CNN2: variants seen among roughly 807,000 people sequenced by gnomAD.
CNN2 encodes calponin 2.
CNN2 carries 21 observed loss-of-function variants against 31.0 expected under a neutral mutation model. The observed-to-expected ratio is 0.68, with a 90% CI of 0.48 to 0.98. The LOEUF (loss-of-function observed/expected upper bound fraction) is 0.98. Among genes scored for constraint, CNN2 ranks in the 50% least tolerant of loss-of-function variants. CNN2 has a pLI of 0.00. For missense variants in CNN2, 399 were observed against 427.3 expected (o/e 0.93, Z 0.58); for synonymous variants, 165 against 179.6 (o/e 0.92, Z 0.65).
At chr19:1,036,634 G>A (rs1221567737) in intron 6 of CNN2, 72 bp downstream of exon 6, 2 of 1,582,780 alleles carry the variant, frequency 1.3e-6, no homozygotes, top group Non-Finnish European at 1.7e-6. Flanking sequence ...CCCCTCCCTG[G>A]GGCCACCTCC....
At position 1,031,145 on chromosome 19, in the gene CNN2, C is replaced by T. The variant is rs763877294; in HGVS notation, c.138C>T (p.Ile46=). Residue 46 remains isoleucine (I), a synonymous_variant, in exon 2 of 7, where the codon ATC becomes ATT. Coordinates refer to ENST00000263097, the MANE Select transcript of CNN2 (RefSeq NM_004368.4). ...TWIEGLTGLS[I]GPDFQKGLKD... ...TCGAGGGACTCACCGGCCTCTCCAT[C>T]GGCCCCGACTTCCAGAAGGGCCTGA... is the stretch of plus-strand genomic sequence containing the variant. The T allele has an allele frequency of 5.0e-6, 8 of 1,613,294 alleles. No homozygotes were observed. The highest frequency in any genetic ancestry group is 1.1e-5 in the South Asian group (1 of 91,070).
At chr19:1,033,492 C>G (rs1568174557) in intron 4 of CNN2, among the ~76,000 whole-genome samples, 1 of 152,208 alleles carries the variant, frequency 6.6e-6, no homozygotes, top group Admixed American at 6.5e-5. Flanking sequence ...CAGAGCAAGA[C>G]TCTCTCAAAA....
rs1275964241 is a variant in CNN2 at position 1,036,113 on chromosome 19, C to T, written c.391-17C>T. On this transcript the variant is annotated splice_polypyrimidine_tract_variant and intron_variant, in intron 4 of 6. Coordinates refer to ENST00000263097, the MANE Select transcript of CNN2 (RefSeq NM_004368.4). ...GCTGCCCTCTGCTGGTACTCCCGGC[C>T]CCTTTCCCTCACCCAGGCCAAGACT... 1.9e-6 allele frequency: 3 copies of T among 1,591,454 alleles called. No individual in the cohort carries two copies. Among genetic ancestry groups the T allele is most frequent in the Non-Finnish European group, 2.6e-6 (3 of 1,167,732 alleles).
At position 1,030,870 on chromosome 19, in the gene CNN2, CTG is replaced by C. The variant is rs1424401073; in HGVS notation, c.64-198_64-197del. ...TCGGCCTGCTTGGAGGGCGGTTTAT[CTG>C]TGCCCGCCTGCAGTGGCTGGGGCGC... On this transcript the variant is annotated intron_variant, in intron 1 of 6. Coordinates refer to ENST00000263097, the MANE Select transcript of CNN2 (RefSeq NM_004368.4). 70 of 578,842 alleles carry C rather than the reference CTG, an allele frequency of 1.2e-4. No individual in the cohort carries two copies. The Middle Eastern group carries it at 1.6e-3, about 13-fold the overall frequency. 35.9% of individuals were successfully genotyped at this position (578,842 alleles called of 1,614,324 possible).
intron 1 of CNN2, among the ~76,000 whole-genome samples, chr19:1,027,282 G>T (rs917740695): frequency 3.3e-5 from 5 of 152,252 alleles, no homozygotes; most frequent in African/African-American, 1.2e-4. Context: ...TAGCCGCTTT[G>T]CACGGTCTTT....
At chr19:1,029,840 C>T (rs958104205) in intron 1 of CNN2, among the ~76,000 whole-genome samples, 5 of 151,996 alleles carry the variant, frequency 3.3e-5, no homozygotes, top group African/African-American at 1.2e-4. Flanking sequence ...GCTGGGACTA[C>T]AGGTGCCCAC....
At chr19:1,037,227 TC>T in intron 6 of CNN2, 1 of 221,698 alleles carries the variant, frequency 4.5e-6, no homozygotes, top group Non-Finnish European at 9.2e-6. Context: ...AGTCTTGAAC[TC>T]CTGACCTCAG....
chr19:1,033,560 G>A (rs4807455), intron 4 of CNN2, among the ~76,000 whole-genome samples: 39,320 of 152,190 alleles, frequency 0.26, 5,414 homozygotes, highest in East Asian at 0.46. Flanking sequence ...CCTTGAAGGA[G>A]AAGAATCAGA....
chr19:1,028,352 CTGTCCGTT>C (rs1378431747), intron 1 of CNN2, among the ~76,000 whole-genome samples: 1 of 152,096 alleles, frequency 6.6e-6, no homozygotes, highest in Non-Finnish European at 1.5e-5. Context: ...AACCCTCAGT[CTGTCCGTT>C]TGGAGGGTGG....
At chr19:1,031,346 G>A (rs868730432) in intron 2 of CNN2, among the ~76,000 whole-genome samples, 154 bp downstream of exon 2, 16 of 91,780 alleles carry the variant, frequency 1.7e-4, no homozygotes, top group Admixed American at 2.2e-4. Context: ...GGTGGCGGGG[G>A]GCGGTGGATC....
At chr19:1,030,590 C>T (rs375825807) in intron 1 of CNN2, among the ~76,000 whole-genome samples, 10 of 152,180 alleles carry the variant, frequency 6.6e-5, no homozygotes, top group African/African-American at 2.4e-4. Context: ...CGCACCACTG[C>T]ACTCCAGCCT....
chr19:1,032,869 C>T, intron 4 of CNN2, 173 bp downstream of exon 4: 1 of 587,118 alleles, frequency 1.7e-6, no homozygotes, highest in Non-Finnish European at 3.0e-6. Flanking sequence ...ACCTCCAACT[C>T]CCAGGTTCAA....
rs1450451289 is a variant in CNN2 at position 1,038,825 on chromosome 19, C to T, written c.*925C>T. 6.6e-6 allele frequency: 1 copy of T among 152,284 alleles called. No homozygotes were observed. The highest frequency in any genetic ancestry group is 1.5e-5 in the Non-Finnish European group (1 of 68,114). The allele number at this position is 152,284 out of a possible 1,614,324, so 9.4% of individuals were successfully genotyped here. A position where few individuals can be genotyped will look rare whatever the true frequency, so the allele number is the denominator to read the frequency against. Reference sequence around the variant, plus strand: ...GGCCTCAGGTGTGATCCGCCCGCCTCCGCCTCCCCAAGCGCTGAGATTACA... The same window carrying T: ...GGCCTCAGGTGTGATCCGCCCGCCTTCGCCTCCCCAAGCGCTGAGATTACA... On this transcript the variant is annotated 3_prime_UTR_variant, in exon 7 of 7. Coordinates refer to ENST00000263097, the MANE Select transcript of CNN2 (RefSeq NM_004368.4).
intron 5 of CNN2, 62 bp downstream of exon 5, chr19:1,036,308 C>T: frequency 6.4e-7 from 1 of 1,568,906 alleles, no homozygotes; most frequent in Non-Finnish European, 8.7e-7. Context: ...TGTTGGGGGA[C>T]AGCAGCATTG....
At chr19:1,030,914 A>T in intron 1 of CNN2, 157 bp from the exon 2 acceptor site, 2 of 909,162 alleles carry the variant, frequency 2.2e-6, no homozygotes, top group Non-Finnish European at 3.3e-6. Flanking sequence ...TGATGGGAAA[A>T]GGGAGCATCT....
intron 1 of CNN2, among the ~76,000 whole-genome samples, chr19:1,027,484 T>C (rs1292660490): frequency 6.6e-6 from 1 of 152,196 alleles, no homozygotes; most frequent in Non-Finnish European, 1.5e-5. Flanking sequence ...GAGACCAGTC[T>C]GGGCAACATG....
chr19:1,030,561 G>C (rs1291167484), intron 1 of CNN2, among the ~76,000 whole-genome samples: 3 of 152,110 alleles, frequency 2.0e-5, no homozygotes, highest in Non-Finnish European at 4.4e-5. Context: ...GGGAGGCGGA[G>C]CTTGCAGTGA....
At chr19:1,029,248 C>G (rs534831796) in intron 1 of CNN2, among the ~76,000 whole-genome samples, 14 of 73,044 alleles carry the variant, frequency 1.9e-4, no homozygotes, top group Middle Eastern at 8.9e-3. Context: ...GCAGGTCCAG[C>G]TCAGGGGACC....
chr19:1,037,400 G>C (rs1049768575), intron 6 of CNN2: 2 of 544,768 alleles, frequency 3.7e-6, no homozygotes, highest in Non-Finnish European at 3.3e-6. Flanking sequence ...AGCCTCCCGA[G>C]TAGCTGGGAT....
Sources: gnomAD v4.1 joint callset for allele counts (sites outside exome capture counted in the v4.1 genomes callset) on GRCh38, gnomAD v4.1.1 for gene constraint, MANE v1.5 for transcripts, NCBI Gene and HGNC (gene_info 2026-07-23, HGNC 2026-07-21) for gene names.